Variants in SLC26A11 observed in about 807,000 individuals in gnomAD.
SLC26A11 encodes the protein solute carrier family 26 member 11.
SLC26A11 carries 58 observed loss-of-function variants against 62.2 expected under a neutral mutation model. The ratio of observed to expected loss-of-function variants is 0.93; its 90% CI spans 0.76 to 1.16. SLC26A11 has a LOEUF of 1.16. Among genes scored for constraint, SLC26A11 ranks in the 50% most tolerant of loss-of-function variants. The pLI is 0.00. For missense variants in SLC26A11, 790 were observed against 794.3 expected, an observed-to-expected ratio of 0.99 and a Z score of 0.06; for synonymous variants, 411 against 368.9, an observed-to-expected ratio of 1.11 and a Z score of -1.31.
At chr17:80,240,029 C>G (rs574817843) in intron 9 of SLC26A11, among the ~76,000 whole-genome samples, 2 of 152,356 alleles carry the variant, frequency 1.3e-5, no homozygotes, top group East Asian at 3.9e-4. Context: ...CCTAAAATAT[C>G]GACAAGTTGG....
At chr17:80,238,583 C>T (rs2042762883) in intron 9 of SLC26A11, among the ~76,000 whole-genome samples, 1 of 152,164 alleles carries the variant, frequency 6.6e-6, no homozygotes, top group South Asian at 2.1e-4. Flanking sequence ...TCGCTCCACT[C>T]CTGCCAGCTT....
At chr17:80,233,584 ATT>A (rs56289503) in intron 7 of SLC26A11, among the ~76,000 whole-genome samples, 1 of 142,406 alleles carries the variant, frequency 7.0e-6, no homozygotes. Flanking sequence ...CTCTTTCAGC[ATT>A]TTTTTTTTTT....
At chr17:80,224,372 T>TGC (rs536804384) in intron 5 of SLC26A11, among the ~76,000 whole-genome samples, 5 of 129,384 alleles carry the variant, frequency 3.9e-5, no homozygotes, top group South Asian at 2.7e-4. Context: ...GGAGTGTGAG[T>TGC]GCGCGCGCGC....
chr17:80,236,460 G>T (rs940607429), intron 7 of SLC26A11, among the ~76,000 whole-genome samples: 5 of 152,234 alleles, frequency 3.3e-5, no homozygotes, highest in African/African-American at 1.2e-4. Context: ...CAGCCGGCGG[G>T]GCAGTGATAG....
At position 80,228,030 on chromosome 17, in the gene SLC26A11, CCCA is replaced by C; in HGVS notation, c.736+73_736+75del. On this transcript the variant is annotated intron_variant, in intron 7 of 17. Coordinates refer to ENST00000361193, the MANE Select transcript of SLC26A11 (RefSeq NM_001166347.2). This position sits in a 1 kb window ranked among gnomAD's most constrained non-coding sequence, Gnocchi z 4.1. Reference sequence around the variant, plus strand: ...TTGGGGTCACTTGGGGAGTCCTAGTCCCACCCTAGGGATTCTCACGTCATTGGT... The same window carrying C: ...TTGGGGTCACTTGGGGAGTCCTAGTCCCCTAGGGATTCTCACGTCATTGGT... 7 of 1,434,224 alleles carry C rather than the reference CCCA, an allele frequency of 4.9e-6. No homozygotes were observed. Among genetic ancestry groups the C allele is most frequent in the Non-Finnish European group, 6.7e-6 (7 of 1,052,218 alleles). The allele number at this position is 1,434,224 out of a possible 1,614,324, so 88.8% of individuals were successfully genotyped here. A position where few individuals can be genotyped will look rare whatever the true frequency, so the allele number is the denominator to read the frequency against.
chr17:80,243,085 GA>G (rs2042907188), intron 10 of SLC26A11, among the ~76,000 whole-genome samples: 1 of 152,194 alleles, frequency 6.6e-6, no homozygotes, highest in Non-Finnish European at 1.5e-5. Flanking sequence ...CGCCCCTCAT[GA>G]GACTGGTGCA....
At position 80,246,420 on chromosome 17, in the gene SLC26A11, C is replaced by T. The variant is rs962785568; in HGVS notation, c.1154-89C>T. On this transcript the variant is annotated intron_variant, in intron 12 of 17. Coordinates refer to ENST00000361193, the MANE Select transcript of SLC26A11 (RefSeq NM_001166347.2). This position sits in a 1 kb window ranked among gnomAD's most constrained non-coding sequence, Gnocchi z 4.4. The stretch of plus-strand genomic sequence containing the variant: ...GTCGCCCTACCCCCACCCCTGTCCC[C>T]AGTGGGCTCTGCTGAACAAGAGGCT... 1.3e-6 allele frequency: 2 copies of T among 1,560,078 alleles called. No individual in the cohort carries two copies. Among genetic ancestry groups the T allele is most frequent in the South Asian group, 1.2e-5 (1 of 86,776 alleles).
At chr17:80,249,012 C>T in intron 15 of SLC26A11, 142 bp from the exon 16 acceptor site, 1 of 1,048,812 alleles carries the variant, frequency 9.5e-7, no homozygotes, top group Non-Finnish European at 1.3e-6. Context: ...CCCGAATCCC[C>T]CAACTGGGCG....
Position 80,252,099 on chromosome 17 carries a change from G to A in SLC26A11, c.1730-526G>A, listed in dbSNP as rs1232547354. ...GCTGACCCTTGAGACAGCAATCGCA[G>A]GAGGTCTGAGCCGCAGCAGGTGTCA... On this transcript the variant is annotated intron_variant, in intron 17 of 17. Coordinates refer to ENST00000361193, the MANE Select transcript of SLC26A11 (RefSeq NM_001166347.2). The surrounding 1 kb of genome is among the most constrained non-coding windows in gnomAD (Gnocchi z 5.2). Among the ~76,000 whole-genome samples the A allele has an allele frequency of 6.6e-6, 1 of 152,138 alleles. No individual in the cohort carries two copies. The highest frequency in any genetic ancestry group is 1.5e-5 in the Non-Finnish European group (1 of 68,032).
Position 80,223,980 on chromosome 17 carries a change from G to GGT in SLC26A11, c.513+651_513+652dup, listed in dbSNP as rs1386853535. Among the ~76,000 whole-genome samples the GGT allele has an allele frequency of 6.6e-6, 1 of 152,146 alleles. No homozygotes were observed. Among genetic ancestry groups the GGT allele is most frequent in the African/African-American group, 2.4e-5 (1 of 41,412 alleles). ...GGTGCAGTAGGGGGGTGCTCAGTGG[G>GGT]GTGTGTGTGGAGTGAAGTGAGCCCA... On this transcript the variant is annotated intron_variant, in intron 5 of 17. Transcript: ENST00000361193. This position sits in a 1 kb window ranked among gnomAD's most constrained non-coding sequence, Gnocchi z 4.6.
At chr17:80,237,663 A>G in intron 9 of SLC26A11, 69 bp downstream of exon 9, 1 of 1,479,386 alleles carries the variant, frequency 6.8e-7, no homozygotes, top group Admixed American at 2.0e-5. Flanking sequence ...CCTGCTTTCT[A>G]GCTTGCCTTT....
intron 6 of SLC26A11, among the ~76,000 whole-genome samples, chr17:80,226,720 G>A (rs890621873): frequency 2.0e-5 from 3 of 152,122 alleles, no homozygotes; most frequent in Non-Finnish European, 4.4e-5. Flanking sequence ...CTGCCCCCCC[G>A]AAAAGAAAAG....
intron 7 of SLC26A11, among the ~76,000 whole-genome samples, chr17:80,229,458 G>A (rs1284310037): frequency 6.6e-6 from 1 of 151,890 alleles, no homozygotes; most frequent in African/African-American, 2.4e-5. Context: ...TGGAGACGGT[G>A]TCTCACTCTG....
intron 13 of SLC26A11, among the ~76,000 whole-genome samples, chr17:80,247,862 C>G (rs924298797): frequency 6.6e-6 from 1 of 152,222 alleles, no homozygotes; most frequent in African/African-American, 2.4e-5. Context: ...CTGACAAGCC[C>G]CTGCTGCTGC....
chr17:80,242,122 A>T (rs1370897630), intron 10 of SLC26A11, among the ~76,000 whole-genome samples: 1 of 152,196 alleles, frequency 6.6e-6, no homozygotes, highest in Non-Finnish European at 1.5e-5. Context: ...GATTAAAGGC[A>T]TATGCCACCA....
intron 13 of SLC26A11, among the ~76,000 whole-genome samples, chr17:80,247,325 GTCA>G (rs942018867): frequency 6.6e-6 from 1 of 151,972 alleles, no homozygotes; most frequent in African/African-American, 2.4e-5. Flanking sequence ...AACCGCCATT[GTCA>G]TCATGGCGCG....
At position 80,249,429 on chromosome 17, in the gene SLC26A11, CA is replaced by C. The variant is rs1001036284; in HGVS notation, c.1656+143del. ...GTGCTGGCTCTGCTTCTGATTTAAACAGTTCTTGTTCCCATCTGGCCTTCCT... is the reference window on the plus strand; with the variant it reads ...GTGCTGGCTCTGCTTCTGATTTAAACGTTCTTGTTCCCATCTGGCCTTCCT... On this transcript the variant is annotated intron_variant, in intron 16 of 17. Transcript: ENST00000361193. 14 of 1,199,480 alleles carry C rather than the reference CA, an allele frequency of 1.2e-5. No homozygotes were observed. In the African/African-American group the frequency reaches 2.1e-4, roughly 18 times the overall value. The allele number at this position is 1,199,480 out of a possible 1,614,324, so 74.3% of individuals were successfully genotyped here.
chr17:80,236,812 GC>G, intron 7 of SLC26A11, 115 bp from the exon 8 acceptor site: 1 of 1,086,944 alleles, frequency 9.2e-7, no homozygotes, highest in Non-Finnish European at 1.4e-6. Context: ...GAGGACTGTG[GC>G]CCGGTGGGGG....
chr17:80,250,482 G>A (rs576330204), intron 16 of SLC26A11, among the ~76,000 whole-genome samples: 8 of 152,244 alleles, frequency 5.3e-5, no homozygotes, highest in African/African-American at 9.6e-5. Flanking sequence ...TAAGTGTTAC[G>A]TCCTGTGTCA....
Sources: gnomAD v4.1 joint callset for allele counts (sites outside exome capture counted in the v4.1 genomes callset) on GRCh38, gnomAD v4.1.1 for gene constraint, Gnocchi (gnomAD v3.1) non-coding constraint, MANE v1.5 for transcripts, NCBI Gene and HGNC (gene_info 2026-07-23, HGNC 2026-07-21) for gene names.